GABRG1: variants seen among roughly 807,000 people sequenced by gnomAD.
GABRG1 encodes the protein gamma-aminobutyric acid type A receptor subunit gamma1, also known as gamma-aminobutyric acid receptor subunit gamma-1.
Under a neutral mutation model 49.8 loss-of-function variants are expected in GABRG1, and 49 were observed. That is an observed-to-expected ratio of 0.98 (90% CI 0.78 to 1.25). GABRG1 has a LOEUF of 1.25. Among genes scored for constraint, GABRG1 ranks in the 50% most tolerant of loss-of-function variants. The pLI, the probability that GABRG1 is intolerant of heterozygous loss-of-function variation, is 0.00. For missense variants in GABRG1, 552 were observed against 552.3 expected, an observed-to-expected ratio of 1.00 and a Z score of 0.01; for synonymous variants, 232 against 185.1, an observed-to-expected ratio of 1.25 and a Z score of -2.06.
At chr4:46,085,277 G>A (rs1245218755) in intron 2 of GABRG1, among the ~76,000 whole-genome samples, 2 of 151,360 alleles carry the variant, frequency 1.3e-5, no homozygotes, top group African/African-American at 2.4e-5. Flanking sequence ...TTGGTTTCCT[G>A]ACATCAACAT....
rs778054720 is a variant in GABRG1, at chr4:46,064,457, T to A, written c.609A>T (p.Pro203=). 3 of 1,524,336 alleles carry A rather than the reference T, an allele frequency of 2.0e-6. No homozygotes were observed. In the African/African-American group the frequency reaches 4.3e-5, roughly 22 times the overall value. The allele number at this position is 1,524,336 out of a possible 1,614,324, so 94.4% of individuals were successfully genotyped here. The part of the protein sequence containing the change: ...HNFPMDEHSC[P]LEFSSYGYPK... ...GTTACTTACAGCTTGAAAATTCCAGTGGACAGGAATGTTCATCCATGGGAA... is the reference window on the plus strand; with the variant it reads ...GTTACTTACAGCTTGAAAATTCCAGAGGACAGGAATGTTCATCCATGGGAA... Residue 203 remains proline, a synonymous_variant, in exon 5 of 9, where the codon CCA becomes CCT. Transcript: ENST00000295452.
intron 1 of GABRG1, among the ~76,000 whole-genome samples, chr4:46,114,978 A>G (rs1274913295): frequency 3.3e-5 from 5 of 150,876 alleles, no homozygotes; most frequent in African/African-American, 4.8e-5. Flanking sequence ...CAGAAAAAAA[A>G]AGACAAAGTA....
chr4:46,068,666 G>C (rs994864526), intron 3 of GABRG1, among the ~76,000 whole-genome samples: 2 of 151,860 alleles, frequency 1.3e-5, no homozygotes, highest in South Asian at 4.2e-4. Flanking sequence ...TTTAATAAAT[G>C]CCTCACTGAA....
chr4:46,102,636 AC>A (rs1254588260), intron 1 of GABRG1, among the ~76,000 whole-genome samples: 1 of 151,664 alleles, frequency 6.6e-6, no homozygotes, highest in African/African-American at 2.4e-5. Flanking sequence ...GTACTTATTT[AC>A]TAAAGAAAAT....
intron 1 of GABRG1, among the ~76,000 whole-genome samples, chr4:46,109,498 G>A (rs1034599336): frequency 1.3e-5 from 2 of 150,652 alleles, no homozygotes; most frequent in East Asian, 2.0e-4. Context: ...ACAAATTTTT[G>A]TGTCTCCATT....
At chr4:46,065,663 T>C (rs1718888343) in intron 3 of GABRG1, 79 bp from the exon 4 acceptor site, 1 of 703,530 alleles carries the variant, frequency 1.4e-6, no homozygotes, top group Non-Finnish European at 2.3e-6. Flanking sequence ...AATTTTTGTA[T>C]TGTAAAGTTT....
chr4:46,051,437 T>C lies in GABRG1; in HGVS notation c.1118A>G (p.Lys373Arg). 1 of 1,604,132 alleles carries C rather than the reference T, an allele frequency of 6.2e-7. No individual in the cohort carries two copies. Among genetic ancestry groups the C allele is most frequent in the Non-Finnish European group, 8.5e-7 (1 of 1,176,110 alleles). ...GKTATKDRKL[K>R]NKASMTPGLH... Reference sequence around the variant, plus strand: ...TTTTTAACATACCGAGGCTTTATTTTTTAGCTTTCTGTCTTTAGTAGCAGT... The same window carrying C: ...TTTTTAACATACCGAGGCTTTATTTCTTAGCTTTCTGTCTTTAGTAGCAGT... The change falls in exon 8 of 9, where the codon AAA (lysine) becomes AGA (arginine). Residue 373 changes from lysine to arginine, a missense_variant. Coordinates refer to ENST00000295452, the MANE Select transcript of GABRG1 (RefSeq NM_173536.4).
At chr4:46,047,202 A>G (rs1718032421) in intron 8 of GABRG1, among the ~76,000 whole-genome samples, 1 of 152,004 alleles carries the variant, frequency 6.6e-6, no homozygotes, top group Non-Finnish European at 1.5e-5. Context: ...AACCCAACCT[A>G]TCTATATGTG....
intron 3 of GABRG1, among the ~76,000 whole-genome samples, 200 bp from the exon 4 acceptor site, chr4:46,065,784 G>A (rs1429581994): frequency 6.6e-6 from 1 of 152,062 alleles, no homozygotes; most frequent in African/African-American, 2.4e-5. Flanking sequence ...GTGCAGTGAT[G>A]CAATCTCGGC....
At position 46,038,171 on chromosome 4, in the gene GABRG1, C is replaced by G. The variant is rs1452205289; in HGVS notation, c.*2817G>C. 6.6e-6 allele frequency: 1 copy of G among 151,658 alleles called. No homozygotes were observed. The highest frequency in any genetic ancestry group is 2.4e-5 in the African/African-American group (1 of 41,394). 9.4% of individuals were successfully genotyped at this position (151,658 alleles called of 1,614,324 possible). A position where few individuals can be genotyped will look rare whatever the true frequency, so the allele number is the denominator to read the frequency against. ...GACTTACTGGGAAATTTTTCCCTGT[C>G]CCTGCTAAATTCTCAAGTATTCTAT... On this transcript the variant is annotated 3_prime_UTR_variant, in exon 9 of 9. Transcript: ENST00000295452.
chr4:46,114,778 TA>T (rs1296100934), intron 1 of GABRG1, among the ~76,000 whole-genome samples: 1 of 151,008 alleles, frequency 6.6e-6, no homozygotes, highest in Non-Finnish European at 1.5e-5. Flanking sequence ...TAACCTAACA[TA>T]AAGCTAATTT....
In GABRG1 at chr4:46,063,257, G is replaced by A. The variant is rs1031849233; in HGVS notation, c.625+1184C>T. ...CAAAGCTGGAGGCATCACGCTACCT[G>A]ACTTCAAACTATACTACAAGGCTAC... On this transcript the variant is annotated intron_variant, in intron 5 of 8. Coordinates refer to ENST00000295452, the MANE Select transcript of GABRG1 (RefSeq NM_173536.4). Among the ~76,000 whole-genome samples the A allele has an allele frequency of 4.9e-3, 746 of 152,078 alleles. 6 individuals carry two copies. Among genetic ancestry groups the A allele is most frequent in the African/African-American group, 0.017 (714 of 41,486 alleles).
intron 2 of GABRG1, among the ~76,000 whole-genome samples, chr4:46,090,080 G>A (rs972438018): frequency 1.3e-5 from 2 of 151,996 alleles, no homozygotes; most frequent in African/African-American, 2.4e-5. Flanking sequence ...CAATAAGTTG[G>A]TTTTATAAGT....
intron 2 of GABRG1, among the ~76,000 whole-genome samples, chr4:46,096,652 G>A (rs984968403): frequency 1.3e-5 from 2 of 151,456 alleles, no homozygotes; most frequent in Non-Finnish European, 3.0e-5. Context: ...AGATGTGTAG[G>A]GAAAGAAAGA....
At chr4:46,103,643 A>G (rs978907902) in intron 1 of GABRG1, among the ~76,000 whole-genome samples, 3 of 151,492 alleles carry the variant, frequency 2.0e-5, no homozygotes, top group Non-Finnish European at 4.4e-5. Flanking sequence ...TTTGCCTGTT[A>G]TAATTAAAAA....
intron 1 of GABRG1, among the ~76,000 whole-genome samples, chr4:46,097,630 C>T (rs1300203196): frequency 6.6e-6 from 1 of 151,446 alleles, no homozygotes; most frequent in Non-Finnish European, 1.5e-5. Flanking sequence ...AAAAATTATT[C>T]CACCAAAATA....
chr4:46,038,229 G>A lies in GABRG1; in HGVS notation c.*2759C>T, dbSNP rs562347799. 6 of 151,420 alleles carry A rather than the reference G, an allele frequency of 4.0e-5. No homozygotes were observed. Among genetic ancestry groups the A allele is most frequent in the Non-Finnish European group, 8.9e-5 (6 of 67,634 alleles). 9.4% of individuals were successfully genotyped at this position (151,420 alleles called of 1,614,324 possible). A position where few individuals can be genotyped will look rare whatever the true frequency, so the allele number is the denominator to read the frequency against. ...TTACTTTTTTTTAGAACTTACTTGG[G>A]TTTACAAAAATTAATTTAAGTGAGC... is the stretch of plus-strand genomic sequence containing the variant. On this transcript the variant is annotated 3_prime_UTR_variant, in exon 9 of 9. Coordinates refer to ENST00000295452, the MANE Select transcript of GABRG1 (RefSeq NM_173536.4).
rs982622519 is a variant in GABRG1 at position 46,038,292 on chromosome 4, T to C, written c.*2696A>G. On this transcript the variant is annotated 3_prime_UTR_variant, in exon 9 of 9. Coordinates refer to ENST00000295452, the MANE Select transcript of GABRG1 (RefSeq NM_173536.4). Reference sequence around the variant, plus strand: ...ATGGAATTCGAAGATAAATAAAATATTACCCTGTCATTGTAAATCCAAAAT... The same window carrying C: ...ATGGAATTCGAAGATAAATAAAATACTACCCTGTCATTGTAAATCCAAAAT... 3.3e-5 allele frequency: 5 copies of C among 151,648 alleles called. No individual in the cohort carries two copies. The highest frequency in any genetic ancestry group is 1.2e-4 in the African/African-American group (5 of 41,384). 9.4% of individuals were successfully genotyped at this position (151,648 alleles called of 1,614,324 possible). A position where few individuals can be genotyped will look rare whatever the true frequency, so the allele number is the denominator to read the frequency against.
At chr4:46,067,647 TCAAA>T (rs1718968415) in intron 3 of GABRG1, among the ~76,000 whole-genome samples, 1 of 152,102 alleles carries the variant, frequency 6.6e-6, no homozygotes, top group African/African-American at 2.4e-5. Flanking sequence ...ATGGCACAGA[TCAAA>T]CTGTGCTGTG....
Sources: gnomAD v4.1 joint callset for allele counts (sites outside exome capture counted in the v4.1 genomes callset) on GRCh38, gnomAD v4.1.1 for gene constraint, MANE v1.5 for transcripts, NCBI Gene and HGNC (gene_info 2026-07-23, HGNC 2026-07-21) for gene names.